The following ABCC1 variants were observed in gnomAD, a reference collection of about 807,000 sequenced individuals.
The protein encoded by ABCC1 is multidrug resistance-associated protein 1.
A neutral mutation model predicts 172.9 loss-of-function variants in ABCC1; 83 were observed. The ratio of observed to expected loss-of-function variants is 0.48; its 90% confidence interval spans 0.40 to 0.58. The LOEUF (loss-of-function observed/expected upper bound fraction) is 0.58, where lower values mean the gene tolerates loss of function less well. Ranked by LOEUF, ABCC1 falls within the 20% of genes least tolerant of loss-of-function variation. The probability of loss-of-function intolerance (pLI) is 0.00; values close to 1 mark genes in which losing one functional copy is unlikely to be tolerated. For missense variants in ABCC1, 1,817 were observed against 2,002.7 expected, an observed-to-expected ratio of 0.91 and a Z score of 1.77; for synonymous variants, 937 against 825.2, an observed-to-expected ratio of 1.14 and a Z score of -2.32.
At chr16:16,036,195 T>C (rs1276482419) in intron 6 of ABCC1, among the ~76,000 whole-genome samples, 1 of 151,740 alleles carries the variant, frequency 6.6e-6, no homozygotes, top group Admixed American at 6.6e-5. Context: ...TCCTAAATCA[T>C]CTTTTTTTCC....
At chr16:16,044,230 G>A (rs1309771068) in intron 7 of ABCC1, among the ~76,000 whole-genome samples, 3 of 152,210 alleles carry the variant, frequency 2.0e-5, no homozygotes, top group African/African-American at 7.2e-5. Context: ...CTGAAGTCAC[G>A]CAGCTGGCCA....
chr16:16,115,171 T>G (rs45480802), intron 23 of ABCC1, 95 bp downstream of exon 23: 2 of 1,316,386 alleles, frequency 1.5e-6, no homozygotes, highest in East Asian at 4.8e-5. Context: ...ATGTCCCCAG[T>G]GTGGTGCTTT....
At chr16:16,062,641 T>G (rs2049964893) in intron 12 of ABCC1, among the ~76,000 whole-genome samples, 2 of 152,248 alleles carry the variant, frequency 1.3e-5, no homozygotes, top group Admixed American at 6.5e-5. Flanking sequence ...GACCTTGTCC[T>G]GGCCGAGGCA....
intron 24 of ABCC1, among the ~76,000 whole-genome samples, chr16:16,123,356 C>T (rs910028791): frequency 6.6e-6 from 1 of 152,116 alleles, no homozygotes; most frequent in Admixed American, 6.5e-5. Context: ...ATAAGATGGC[C>T]AGGCGCGGTG....
At chr16:15,974,568 G>A (rs2046442393) in intron 1 of ABCC1, among the ~76,000 whole-genome samples, 1 of 152,144 alleles carries the variant, frequency 6.6e-6, no homozygotes, top group Non-Finnish European at 1.5e-5. Context: ...CAGTTAGAGA[G>A]ACCAGGCTGT....
At chr16:16,008,668 A>G (rs1381654533) in intron 2 of ABCC1, among the ~76,000 whole-genome samples, 4 of 151,574 alleles carry the variant, frequency 2.6e-5, no homozygotes, top group African/African-American at 7.3e-5. Flanking sequence ...AACATGGTGA[A>G]CCTGTCTCTA....
chr16:16,006,001 A>G (rs566573638), intron 1 of ABCC1, among the ~76,000 whole-genome samples: 1 of 151,806 alleles, frequency 6.6e-6, no homozygotes, highest in South Asian at 2.1e-4. Context: ...CAAGAAAAAA[A>G]AAAATAAAAA....
At chr16:16,033,262 A>T in intron 6 of ABCC1, 92 bp downstream of exon 6, 1 of 1,263,322 alleles carries the variant, frequency 7.9e-7, no homozygotes, top group Non-Finnish European at 1.2e-6. Flanking sequence ...CCCCTCCCCA[A>T]CTTCTCCCTC....
intron 17 of ABCC1, 37 bp downstream of exon 17, chr16:16,083,579 A>G: frequency 6.3e-7 from 1 of 1,590,012 alleles, no homozygotes; most frequent in South Asian, 1.1e-5. Flanking sequence ...TGAATCAGTC[A>G]GCTGTTGCCG....
At chr16:16,106,292 A>G (rs1023912267) in intron 20 of ABCC1, among the ~76,000 whole-genome samples, 3 of 151,188 alleles carry the variant, frequency 2.0e-5, no homozygotes, top group South Asian at 2.1e-4. Context: ...ACTTTGCCCT[A>G]TGTTTTTCAT....
In ABCC1 at chr16:16,090,503, G is replaced by A. The variant is rs1316219168; in HGVS notation, c.2559G>A (p.Gln853=). The A allele has an allele frequency of 6.2e-7, 1 of 1,613,948 alleles. No homozygotes were observed. The highest frequency in any genetic ancestry group is 8.5e-7 in the Non-Finnish European group (1 of 1,179,984). ...GGKISEMGSY[Q]ELLARDGAFA... is the part of the protein sequence containing the mutation. ...AGATCTCTGAGATGGGCTCCTACCA[G>A]GAGCTGCTGGCTCGAGACGGCGCCT... Residue 853 remains glutamine (Q), a synonymous_variant, in exon 19 of 31, where the codon CAG becomes CAA. Coordinates refer to ENST00000399410, the MANE Select transcript of ABCC1 (RefSeq NM_004996.4).
At chr16:16,028,242 ACTGATTGTAATT>A (rs1470544565) in intron 5 of ABCC1, among the ~76,000 whole-genome samples, 3 of 151,906 alleles carry the variant, frequency 2.0e-5, no homozygotes, top group Admixed American at 6.6e-5. Context: ...TGCAGCTCTC[ACTGATTGTAATT>A]CTGATTGTAA....
chr16:16,025,465 T>A (rs2048337755), intron 5 of ABCC1, among the ~76,000 whole-genome samples: 1 of 152,222 alleles, frequency 6.6e-6, no homozygotes, highest in Non-Finnish European at 1.5e-5. Flanking sequence ...GTGACAGAGC[T>A]GCGTTTGAGG....
intron 12 of ABCC1, among the ~76,000 whole-genome samples, chr16:16,062,219 G>T (rs1412746114): frequency 6.6e-6 from 1 of 152,194 alleles, no homozygotes; most frequent in Non-Finnish European, 1.5e-5. Flanking sequence ...CATTGGATTC[G>T]TTGGCAAAAC....
chr16:16,108,064 C>T (rs1243936443), intron 21 of ABCC1, among the ~76,000 whole-genome samples: 5 of 151,986 alleles, frequency 3.3e-5, no homozygotes, highest in East Asian at 3.9e-4. Flanking sequence ...TGTCCTCTCT[C>T]GCCTTACCCT....
Position 16,142,261 on chromosome 16 carries a change from C to T in ABCC1, c.*980C>T, listed in dbSNP as rs2046150758. 2 of 152,174 alleles carry T rather than the reference C, an allele frequency of 1.3e-5. No individual in the cohort carries two copies. Among genetic ancestry groups the T allele is most frequent in the Non-Finnish European group, 2.9e-5 (2 of 68,050 alleles). 9.4% of individuals were successfully genotyped at this position (152,174 alleles called of 1,614,324 possible). Reference sequence around the variant, plus strand: ...ACCAGCTGGAAGGTACTATGCCAGTCCTAGCAGAAAAATGTGTTAGGGGCC... The same window carrying T: ...ACCAGCTGGAAGGTACTATGCCAGTTCTAGCAGAAAAATGTGTTAGGGGCC... On this transcript the variant is annotated 3_prime_UTR_variant, in exon 31 of 31. Coordinates refer to ENST00000399410, the MANE Select transcript of ABCC1 (RefSeq NM_004996.4).
chr16:16,079,455 G>A lies in ABCC1; in HGVS notation c.2092G>A (p.Val698Met). 1.2e-6 allele frequency: 2 copies of A among 1,613,646 alleles called. No homozygotes were observed. The highest frequency in any genetic ancestry group is 2.2e-5 in the East Asian group (1 of 44,872). ...AGCCCTCTTGGCTGAGATGGACAAA[G>A]TGGAGGGGCACGTGGCTATCAAGGT... is the stretch of plus-strand genomic sequence containing the variant. ...LSALLAEMDKVEGHVAIKGSV... is the reference protein window; with the variant it reads ...LSALLAEMDKMEGHVAIKGSV... Residue 698 changes from valine to methionine, a missense_variant, in exon 16 of 31, where the codon GTG (valine) becomes ATG (methionine). By Grantham distance (21) the Val-to-Met change is conservative. Coordinates refer to ENST00000399410, the MANE Select transcript of ABCC1 (RefSeq NM_004996.4).
chr16:15,984,784 G>A (rs215065), intron 1 of ABCC1, among the ~76,000 whole-genome samples: 101,408 of 151,980 alleles, frequency 0.67, 34,729 homozygotes, highest in South Asian at 0.75. Flanking sequence ...GCATGCATAC[G>A]TACACACATA....
chr16:16,076,914 G>A (rs35627), intron 15 of ABCC1, among the ~76,000 whole-genome samples: 29,294 of 152,018 alleles, frequency 0.19, 4,021 homozygotes, highest in African/African-American at 0.39. Context: ...TGAGGCAATC[G>A]CTATGCCTTC....
Sources: gnomAD v4.1 joint callset for allele counts (sites outside exome capture counted in the v4.1 genomes callset) on GRCh38, gnomAD v4.1.1 for gene constraint, MANE v1.5 for transcripts, NCBI Gene and HGNC (gene_info 2026-07-23, HGNC 2026-07-21) for gene names.